CLOCK: variants seen among roughly 807,000 people sequenced by gnomAD.
The protein encoded by CLOCK is clock circadian regulator, also known as circadian locomoter output cycles protein kaput.
Under a neutral mutation model 118.4 loss-of-function variants are expected in CLOCK, and 43 were observed. The observed-to-expected ratio is 0.36, with a 90% confidence interval of 0.28 to 0.47. The LOEUF is 0.47. Among genes scored for constraint, CLOCK ranks in the 20% least tolerant of loss-of-function variants. The pLI, the probability that CLOCK is intolerant of heterozygous loss-of-function variation, is 1.00. For synonymous variants in CLOCK, 326 were observed against 339.2 expected (o/e 0.96, Z 0.43); for missense variants, 846 against 999.9 (o/e 0.85, Z 2.08).
rs1267831052 is a variant in CLOCK, at chr4:55,470,814, T to TA, written c.349-9dup. 6.3e-7 allele frequency: 1 copy of TA among 1,580,052 alleles called. No individual in the cohort carries two copies. Among genetic ancestry groups the TA allele is most frequent in the Admixed American group, 1.7e-5 (1 of 59,796 alleles). On this transcript the variant is annotated splice_polypyrimidine_tract_variant and intron_variant, in intron 7 of 22. Coordinates refer to ENST00000513440, the MANE Select transcript of CLOCK (RefSeq NM_004898.4). ...AAAAAAACCATCAAGAGCCTGAAAT[T>TA]AAACATAATGATATGTTAAATGAAA...
intron 18 of CLOCK, among the ~76,000 whole-genome samples, chr4:55,446,101 C>CTTTTTTT (rs766235766): frequency 9.3e-6 from 1 of 107,372 alleles, no homozygotes; most frequent in Non-Finnish European, 1.9e-5. Flanking sequence ...AATTTAACTT[C>CTTTTTTT]TTTTTTTTTT....
intron 9 of CLOCK, among the ~76,000 whole-genome samples, chr4:55,460,928 C>CTTTT (rs11441195): frequency 0.033 from 4,829 of 145,678 alleles, 101 homozygotes; most frequent in Non-Finnish European, 0.053. Context: ...CTTTCCTCTC[C>CTTTT]TTTTTTTTTT....
intron 1 of CLOCK, among the ~76,000 whole-genome samples, chr4:55,536,611 G>A (rs78322441): frequency 0.043 from 6,550 of 152,202 alleles, 450 homozygotes; most frequent in African/African-American, 0.15. Context: ...ACTATAAGCA[G>A]ATGCCGGCAC....
intron 1 of CLOCK, among the ~76,000 whole-genome samples, chr4:55,542,344 AAATAATAAT>A (rs530927235): frequency 2.1e-4 from 25 of 117,292 alleles, no homozygotes; most frequent in African/African-American, 6.3e-4. Context: ...ACTCTGTCTC[AAATAATAAT>A]AATAATAATA....
intron 3 of CLOCK, among the ~76,000 whole-genome samples, chr4:55,486,029 A>T (rs1356171111): frequency 6.6e-6 from 1 of 152,224 alleles, no homozygotes; most frequent in African/African-American, 2.4e-5. Context: ...CCAGCTCAAC[A>T]TGTATCACAT....
intron 11 of CLOCK, among the ~76,000 whole-genome samples, chr4:55,457,789 T>C (rs1018336309): frequency 6.6e-6 from 1 of 152,116 alleles, no homozygotes; most frequent in African/African-American, 2.4e-5. Flanking sequence ...AAAACAATTA[T>C]TAATTAATAG....
chr4:55,512,428 G>C (rs1279170483), intron 1 of CLOCK, among the ~76,000 whole-genome samples: 1 of 151,984 alleles, frequency 6.6e-6, no homozygotes, highest in South Asian at 2.1e-4. Context: ...TAACTGGTTT[G>C]TTGGTTCTCT....
chr4:55,455,910 T>G lies in CLOCK; in HGVS notation c.969A>C (p.Lys323Asn). Reference protein sequence around the residue: ...YHVDDLENLAKCHEHLMQYGK... With the variant: ...YHVDDLENLANCHEHLMQYGK... The stretch of plus-strand genomic sequence containing the variant: ...AAATCTACTTACAGTGCTCATGACA[T>G]TTTGCCAAATTTTCTAGGTCATCCA... Residue 323 changes from lysine (K) to asparagine (N), a missense_variant, in exon 13 of 23, where the codon AAA becomes AAC. This residue lies in a region of CLOCK where 66 missense variants were observed against 99.4 expected (regional missense o/e 0.66). Coordinates refer to ENST00000513440, the MANE Select transcript of CLOCK (RefSeq NM_004898.4). 1 of 1,613,250 alleles carries G rather than the reference T, an allele frequency of 6.2e-7. No homozygotes were observed. Among genetic ancestry groups the G allele is most frequent in the Non-Finnish European group, 8.5e-7 (1 of 1,179,372 alleles).
At chr4:55,439,330 C>G (rs1294179002) in intron 21 of CLOCK, among the ~76,000 whole-genome samples, 1 of 152,152 alleles carries the variant, frequency 6.6e-6, no homozygotes, top group Non-Finnish European at 1.5e-5. Flanking sequence ...TTATACCCAT[C>G]AGGATGGCTA....
At chr4:55,481,096 T>C (rs1286319120) in intron 4 of CLOCK, among the ~76,000 whole-genome samples, 1 of 152,000 alleles carries the variant, frequency 6.6e-6, no homozygotes, top group African/African-American at 2.4e-5. Context: ...AATATTAAAG[T>C]TTCTGCTGAT....
At chr4:55,474,766 T>C (rs897783601) in intron 7 of CLOCK, among the ~76,000 whole-genome samples, 4 of 152,212 alleles carry the variant, frequency 2.6e-5, no homozygotes, top group African/African-American at 4.8e-5. Flanking sequence ...AGCACATCTG[T>C]TGACAACATG....
chr4:55,542,763 A>C (rs1229254815), intron 1 of CLOCK, among the ~76,000 whole-genome samples: 1 of 152,144 alleles, frequency 6.6e-6, no homozygotes, highest in Admixed American at 6.5e-5. Flanking sequence ...CAGTCTGCTT[A>C]GGTTCACTTC....
intron 1 of CLOCK, among the ~76,000 whole-genome samples, chr4:55,525,470 G>A (rs1015555254): frequency 9.2e-5 from 14 of 151,874 alleles, no homozygotes; most frequent in Non-Finnish European, 1.8e-4. Context: ...GCAAGACCTT[G>A]TCTCTAAAAA....
chr4:55,510,285 G>A (rs1729053957), intron 1 of CLOCK, among the ~76,000 whole-genome samples: 1 of 152,134 alleles, frequency 6.6e-6, no homozygotes, highest in Admixed American at 6.5e-5. Flanking sequence ...ATGGTGTGAA[G>A]GGAAAGCATA....
chr4:55,440,664 T>A (rs963872012), intron 21 of CLOCK, among the ~76,000 whole-genome samples: 1 of 152,248 alleles, frequency 6.6e-6, no homozygotes, highest in African/African-American at 2.4e-5. Flanking sequence ...GTACACTTAG[T>A]CACAGAAGTA....
At chr4:55,534,917 T>C (rs1175389961) in intron 1 of CLOCK, among the ~76,000 whole-genome samples, 1 of 149,884 alleles carries the variant, frequency 6.7e-6, no homozygotes, top group African/African-American at 2.5e-5. Context: ...GCCTTTTCTG[T>C]ATAAAGTGAG....
intron 2 of CLOCK, among the ~76,000 whole-genome samples, chr4:55,496,052 G>T (rs1728055428): frequency 6.6e-6 from 1 of 152,046 alleles, no homozygotes; most frequent in Non-Finnish European, 1.5e-5. Flanking sequence ...AGCCGGGCGT[G>T]GTGGCAGGCG....
At position 55,456,007 on chromosome 4, in the gene CLOCK, A is replaced by C. The variant is rs2109787333; in HGVS notation, c.876-4T>G. 6.2e-7 allele frequency: 1 copy of C among 1,603,110 alleles called. No individual in the cohort carries two copies. ...ATACCCTATTATGGGTGGTGCCCTA[A>C]ATTACACAGAAAACAATCATTATTA... On this transcript the variant is annotated splice_region_variant and splice_polypyrimidine_tract_variant and intron_variant, in intron 12 of 22. Transcript: ENST00000513440.
Position 55,435,554 on chromosome 4 carries a change from ATGAGT to A in CLOCK, c.2397_2401del (p.Gln799HisfsTer35), listed in dbSNP as rs1421580191. ...TTGTAGAGGAAATGCAGCAGAGAGA[ATGAGT>A]TGAGTTGAGGGATTCCCATGGAGCA... On this transcript the variant is annotated frameshift_variant, in exon 23 of 23. Coordinates refer to ENST00000513440, the MANE Select transcript of CLOCK (RefSeq NM_004898.4). LOFTEE classifies it high-confidence loss of function. The A allele has an allele frequency of 3.7e-6, 6 of 1,614,010 alleles. No individual in the cohort carries two copies. Among genetic ancestry groups the A allele is most frequent in the Non-Finnish European group, 5.1e-6 (6 of 1,179,898 alleles).
Sources: gnomAD v4.1 joint callset for allele counts (sites outside exome capture counted in the v4.1 genomes callset) on GRCh38, gnomAD v4.1.1 for gene constraint, gnomAD v4.1.1 regional missense constraint, MANE v1.5 for transcripts, NCBI Gene and HGNC (gene_info 2026-07-23, HGNC 2026-07-21) for gene names.